CD99: variants seen among roughly 807,000 people sequenced by gnomAD.
CD99 encodes CD99 antigen.
A neutral mutation model predicts 28.4 loss-of-function variants in CD99; 19 were observed. The observed-to-expected ratio is 0.67, with a 90% CI of 0.47 to 0.98. CD99 has a LOEUF of 0.98. CD99 is among the 50% of genes least tolerant of loss of function. CD99 has a pLI of 0.00. For missense variants in CD99, 283 were observed against 248.8 expected (o/e 1.14, Z -0.92); for synonymous variants, 103 against 92.1 (o/e 1.12, Z -0.67).
At chrX:2,729,769 A>G (rs986627740) in intron 8 of CD99, among the ~76,000 whole-genome samples, 1 of 152,140 alleles carries the variant, frequency 6.6e-6, no homozygotes, top group Non-Finnish European at 1.5e-5. Flanking sequence ...GGGTGGAAGC[A>G]TTATCTTTTT....
intron 6 of CD99, 83 bp from the exon 7 acceptor site, chrX:2,723,230 GA>G: frequency 7.2e-7 from 1 of 1,385,064 alleles, no homozygotes; most frequent in Non-Finnish European, 1.0e-6. Context: ...TAAGAAGCAG[GA>G]CCCCAGCCTC....
chrX:2,723,294 A>G lies in CD99; in HGVS notation c.311-20A>G, dbSNP rs2049095405. 9 of 1,613,632 alleles carry G rather than the reference A, an allele frequency of 5.6e-6. No individual in the cohort carries two copies. The highest frequency in any genetic ancestry group is 5.1e-6 in the Non-Finnish European group (6 of 1,179,768). On this transcript the variant is annotated intron_variant, in intron 6 of 9. Coordinates refer to ENST00000381192, the MANE Select transcript of CD99 (RefSeq NM_002414.5). ...TTGACCCCAAACCTTCCCATTGCAGACGTTGTTTTTGTCTTGCAGGAAAAG... is the reference window on the plus strand; with the variant it reads ...TTGACCCCAAACCTTCCCATTGCAGGCGTTGTTTTTGTCTTGCAGGAAAAG...
chrX:2,725,068 A>C (rs2124148377), intron 7 of CD99, among the ~76,000 whole-genome samples: 1 of 146,568 alleles, frequency 6.8e-6, no homozygotes, highest in Non-Finnish European at 1.5e-5. Flanking sequence ...TCTCCCCGCC[A>C]AAAAAAAAAG....
chrX:2,738,418 A>G (rs2050052636), intron 9 of CD99, 162 bp downstream of exon 9: 1 of 186,102 alleles, frequency 5.4e-6, no homozygotes, highest in Admixed American at 6.5e-5. Flanking sequence ...ATACTTTCAA[A>G]AGACAATGAA....
Position 2,691,348 on chromosome X carries a change from C to G in CD99, c.-13C>G, listed in dbSNP as rs746504134. On this transcript the variant is annotated 5_prime_UTR_variant, in exon 1 of 10. Transcript: ENST00000381192. The stretch of plus-strand genomic sequence containing the variant: ...TGCACTCCGGGACCGTCCCTGCGCG[C>G]TCTGGGCGCACCATGGCCCGCGGGG... The G allele has an allele frequency of 3.2e-6, 5 of 1,559,712 alleles. No homozygotes were observed. The highest frequency in any genetic ancestry group is 2.8e-5 in the African/African-American group (2 of 71,944).
chrX:2,723,957 AAAG>A (rs1478731508), intron 7 of CD99, among the ~76,000 whole-genome samples: 4 of 151,986 alleles, frequency 2.6e-5, no homozygotes, highest in Non-Finnish European at 4.4e-5. Flanking sequence ...GAGGAAGAAA[AAAG>A]GGAAGGAGGG....
At chrX:2,709,291 T>C (rs2048272052) in intron 1 of CD99, among the ~76,000 whole-genome samples, 1 of 109,644 alleles carries the variant, frequency 9.1e-6, no homozygotes, top group African/African-American at 2.7e-5. Context: ...TGAGCACACA[T>C]GAAAACACAC....
chrX:2,740,323 A>T (rs2050140985), intron 9 of CD99, among the ~76,000 whole-genome samples: 1 of 152,150 alleles, frequency 6.6e-6, no homozygotes, highest in Admixed American at 6.5e-5. Context: ...ATTGTTCTTA[A>T]TTCCTTCTTC....
chrX:2,719,956 C>T (rs1389081068), intron 4 of CD99, among the ~76,000 whole-genome samples: 1 of 152,182 alleles, frequency 6.6e-6, no homozygotes, highest in Non-Finnish European at 1.5e-5. Flanking sequence ...CTACCCTGGC[C>T]AGGGCTGGCT....
intron 1 of CD99, among the ~76,000 whole-genome samples, chrX:2,713,322 TAC>T (rs1454874340): frequency 6.9e-6 from 1 of 144,988 alleles, no homozygotes; most frequent in Admixed American, 6.9e-5. Context: ...AAAAACACAC[TAC>T]ACACACAGAA....
Position 2,740,952 on chromosome X carries a change from G to C in CD99, c.*148G>C. 1.1e-6 allele frequency: 1 copy of C among 896,274 alleles called. No homozygotes were observed. The highest frequency in any genetic ancestry group is 1.9e-6 in the Non-Finnish European group (1 of 539,720). 55.5% of individuals were successfully genotyped at this position (896,274 alleles called of 1,614,324 possible). Reference sequence around the variant, plus strand: ...TTGTTTTAATCTTGCGATGTGCTTTGCTTGTTGCTGGGCGGATGATGTTTA... The same window carrying C: ...TTGTTTTAATCTTGCGATGTGCTTTCCTTGTTGCTGGGCGGATGATGTTTA... On this transcript the variant is annotated 3_prime_UTR_variant, in exon 10 of 10. Transcript: ENST00000381192.
intron 8 of CD99, among the ~76,000 whole-genome samples, chrX:2,730,921 CTCTG>C (rs1177289254): frequency 9.6e-6 from 1 of 103,996 alleles, no homozygotes; most frequent in Non-Finnish European, 1.8e-5. Flanking sequence ...CAGAGTGAGA[CTCTG>C]TCTCAAAAAA....
At chrX:2,728,598 G>GA (rs1265160768) in intron 8 of CD99, among the ~76,000 whole-genome samples, 1 of 152,036 alleles carries the variant, frequency 6.6e-6, no homozygotes, top group Non-Finnish European at 1.5e-5. Flanking sequence ...AATCACGTTG[G>GA]AAAAAAGCAA....
At chrX:2,704,172 C>A (rs2048013914) in intron 1 of CD99, among the ~76,000 whole-genome samples, 1 of 152,226 alleles carries the variant, frequency 6.6e-6, no homozygotes, top group African/African-American at 2.4e-5. Context: ...CCCAAACATT[C>A]ACACCATTCT....
intron 1 of CD99, among the ~76,000 whole-genome samples, chrX:2,701,596 G>A (rs1173409358): frequency 6.8e-6 from 1 of 146,964 alleles, no homozygotes; most frequent in African/African-American, 2.5e-5. Context: ...CCTCTTCTCA[G>A]CCTGGTAGAC....
intron 1 of CD99, chrX:2,692,138 C>G: frequency 1.7e-6 from 1 of 576,342 alleles, no homozygotes; most frequent in South Asian, 2.2e-5. Flanking sequence ...ACGCCCTAAA[C>G]CGGGCCTATT....
At chrX:2,700,486 A>G (rs955541142) in intron 1 of CD99, among the ~76,000 whole-genome samples, 1 of 150,028 alleles carries the variant, frequency 6.7e-6, no homozygotes, top group Admixed American at 6.6e-5. Flanking sequence ...CCATCAACCC[A>G]TCCTCCCATT....
intron 2 of CD99, among the ~76,000 whole-genome samples, chrX:2,716,893 G>T (rs1371324605): frequency 6.6e-6 from 1 of 152,168 alleles, no homozygotes; most frequent in African/African-American, 2.4e-5. Flanking sequence ...CCAAAAGTGT[G>T]TTTCATATGA....
At chrX:2,726,513 C>A in intron 8 of CD99, 140 bp downstream of exon 8, 1 of 709,460 alleles carries the variant, frequency 1.4e-6, no homozygotes, top group Non-Finnish European at 2.6e-6. Flanking sequence ...TGCTAAAATT[C>A]TGGAATCGAA....
Sources: gnomAD v4.1 joint callset for allele counts (sites outside exome capture counted in the v4.1 genomes callset) on GRCh38, gnomAD v4.1.1 for gene constraint, MANE v1.5 for transcripts, NCBI Gene and HGNC (gene_info 2026-07-23, HGNC 2026-07-21) for gene names.